The following MYO7B variants were observed in gnomAD, a reference collection of about 807,000 sequenced individuals.
MYO7B encodes the protein myosin VIIB.
Under a neutral mutation model 259.7 loss-of-function variants are expected in MYO7B, and 212 were observed. That is an observed-to-expected ratio of 0.82 (90% CI 0.73 to 0.91). The LOEUF (loss-of-function observed/expected upper bound fraction) is 0.91. Among genes scored for constraint, MYO7B ranks in the 40% least tolerant of loss-of-function variants. MYO7B has a pLI of 0.00. For missense variants in MYO7B, 2,732 were observed against 2,813.5 expected (o/e 0.97, Z 0.66); for synonymous variants, 1,197 against 1,166.4 (o/e 1.03, Z -0.54).
chr2:127,577,693 C>A lies in MYO7B; in HGVS notation c.850-440C>A, dbSNP rs1426214996. On this transcript the variant is annotated intron_variant, in intron 8 of 47. Transcript: ENST00000409816. This position sits in a 1 kb window ranked among gnomAD's most constrained non-coding sequence, Gnocchi z 5.2. ...TTTCTCCACCTCTCGATAGGGCTGG[C>A]CCCGGCCCCTGTGGTCTGGGCACCT... is the stretch of plus-strand genomic sequence containing the variant. Among the ~76,000 whole-genome samples, 1 of 152,228 alleles carries A rather than the reference C, an allele frequency of 6.6e-6. No individual in the cohort carries two copies. The highest frequency in any genetic ancestry group is 1.5e-5 in the Non-Finnish European group (1 of 68,024).
intron 6 of MYO7B, among the ~76,000 whole-genome samples, chr2:127,571,083 C>T (rs1678584104): frequency 6.6e-6 from 1 of 152,148 alleles, no homozygotes; most frequent in Non-Finnish European, 1.5e-5. Context: ...TTGGTCTTTC[C>T]CTTGGATAAA....
chr2:127,575,702 G>A (rs935629166), intron 7 of MYO7B, among the ~76,000 whole-genome samples: 1 of 152,100 alleles, frequency 6.6e-6, no homozygotes, highest in African/African-American at 2.4e-5. Context: ...GGATGGAAAG[G>A]AGCTCTCATT....
intron 30 of MYO7B, among the ~76,000 whole-genome samples, chr2:127,624,665 T>G (rs200501211): frequency 6.6e-6 from 1 of 152,226 alleles, no homozygotes; most frequent in East Asian, 1.9e-4. Flanking sequence ...CCCCATCTTC[T>G]TGGCATTGTG....
At chr2:127,626,939 C>T (rs961454345) in intron 31 of MYO7B, 36 bp from the exon 32 acceptor site, 2 of 1,555,836 alleles carry the variant, frequency 1.3e-6, no homozygotes, top group East Asian at 4.6e-5. Context: ...CTAGGGAAGG[C>T]AGGTGACGGA....
Position 127,632,282 on chromosome 2 carries a change from G to T in MYO7B, c.5286G>T (p.Leu1762=). 6.2e-7 allele frequency: 1 copy of T among 1,611,830 alleles called. No individual in the cohort carries two copies. Among genetic ancestry groups the T allele is most frequent in the Non-Finnish European group, 8.5e-7 (1 of 1,179,552 alleles). The part of the protein sequence containing the change: ...SEERGWQLLW[L]CTGLFPPSKG... ...AGCGGGGCTGGCAGCTGCTGTGGCTGTGCACGGGCCTCTTCCCGCCCAGCA... is the reference window on the plus strand; with the variant it reads ...AGCGGGGCTGGCAGCTGCTGTGGCTTTGCACGGGCCTCTTCCCGCCCAGCA... The change falls in exon 39 of 48, where the codon CTG becomes CTT. Residue 1762 remains leucine, a synonymous_variant. Coordinates refer to ENST00000409816, the MANE Select transcript of MYO7B (RefSeq NM_001393586.1).
chr2:127,573,778 T>A, intron 6 of MYO7B, 142 bp from the exon 7 acceptor site: 1 of 1,113,678 alleles, frequency 9.0e-7, no homozygotes, highest in Non-Finnish European at 1.2e-6. Flanking sequence ...GCGCTTGGCT[T>A]CCGTCACTGT....
Position 127,620,346 on chromosome 2 carries a change from G to A in MYO7B, c.3405G>A (p.Glu1135=), listed in dbSNP as rs1295403831. The change falls in exon 27 of 48, where the codon GAG becomes GAA. Residue 1135 remains glutamate (E), a synonymous_variant. Transcript: ENST00000409816. ...YAILRPSLRD[E]IYCQICKQLS... ...AATGGTCTGTGTCTTTCAGGGATGA[G>A]ATTTACTGCCAGATCTGCAAGCAGC... The A allele has an allele frequency of 4.3e-6, 7 of 1,611,712 alleles. No individual in the cohort carries two copies. The East Asian group carries it at 6.7e-5, about 15-fold the overall frequency.
chr2:127,605,843 G>C lies in MYO7B; in HGVS notation c.2340-1G>C. The stretch of plus-strand genomic sequence containing the variant: ...GTGTGTGGCTTGCATTGCCCTTCTA[G>C]GAAGGAGTTCCTGAGGCAGAGGCGG... On this transcript the variant is annotated splice_acceptor_variant, in intron 19 of 47. Coordinates refer to ENST00000409816, the MANE Select transcript of MYO7B (RefSeq NM_001393586.1). LOFTEE classifies it high-confidence loss of function. 1.2e-6 allele frequency: 2 copies of C among 1,613,324 alleles called. No individual in the cohort carries two copies.
chr2:127,570,783 C>T (rs143532325), intron 6 of MYO7B, among the ~76,000 whole-genome samples: 2,626 of 151,854 alleles, frequency 0.017, 95 homozygotes, highest in African/African-American at 0.06. Flanking sequence ...CTGGCAACTA[C>T]TGATTTGTCT....
At position 127,576,587 on chromosome 2, in the gene MYO7B, C is replaced by G; in HGVS notation, c.736-8C>G. On this transcript the variant is annotated splice_polypyrimidine_tract_variant and splice_region_variant and intron_variant, in intron 7 of 47. Coordinates refer to ENST00000409816, the MANE Select transcript of MYO7B (RefSeq NM_001393586.1). This position sits in a 1 kb window ranked among gnomAD's most constrained non-coding sequence, Gnocchi z 4.9. ...GAATCTGTCTGGAATGCCCTCCCTC[C>G]CTCCCAGGCTCCCGAGGAGCGGAAC... is the stretch of plus-strand genomic sequence containing the variant. 1.9e-6 allele frequency: 3 copies of G among 1,552,100 alleles called. No individual in the cohort carries two copies. Among genetic ancestry groups the G allele is most frequent in the Non-Finnish European group, 2.7e-6 (3 of 1,130,078 alleles).
At chr2:127,632,741 G>A (rs986936875) in intron 39 of MYO7B, among the ~76,000 whole-genome samples, 3 of 151,746 alleles carry the variant, frequency 2.0e-5, no homozygotes, top group Non-Finnish European at 2.9e-5. Flanking sequence ...CCAAGTCCAT[G>A]CGGCCTCCCT....
rs1558802696 is a variant in MYO7B, at chr2:127,565,376, CA to C, written c.278del (p.Lys93ArgfsTer53). The part of the protein sequence containing the change: ...HNLLIRYQQH[K>X]IYTYTGSILV... ...ACCTCCTGATCCGCTACCAGCAGCA[CA>C]AGATCTATGTGAGTCTCCCCAGCCC... On this transcript the variant is annotated frameshift_variant, in exon 4 of 48. Transcript: ENST00000409816. LOFTEE classifies it high-confidence loss of function. 1.9e-6 allele frequency: 3 copies of C among 1,614,044 alleles called. No homozygotes were observed. The highest frequency in any genetic ancestry group is 2.5e-6 in the Non-Finnish European group (3 of 1,179,892).
At chr2:127,594,026 C>A (rs987959688) in intron 18 of MYO7B, among the ~76,000 whole-genome samples, 4 of 152,126 alleles carry the variant, frequency 2.6e-5, no homozygotes, top group Non-Finnish European at 4.4e-5. Flanking sequence ...TCCTGCCATG[C>A]AGGCTTCCCT....
chr2:127,617,920 A>T (rs1385093197), intron 26 of MYO7B, among the ~76,000 whole-genome samples: 1 of 144,520 alleles, frequency 6.9e-6, no homozygotes, highest in Non-Finnish European at 1.5e-5. Flanking sequence ...TATTGTCCCT[A>T]TCTGTTCCTG....
intron 26 of MYO7B, 52 bp downstream of exon 26, chr2:127,612,655 T>TCAGAGCATCAG (rs1157050635): frequency 6.3e-7 from 1 of 1,591,056 alleles, no homozygotes. Flanking sequence ...ATGCCCTCAC[T>TCAGAGCATCAG]GGCTCTCAGC....
Position 127,607,448 on chromosome 2 carries a change from G to A in MYO7B, c.2643+24G>A, listed in dbSNP as rs1252476058. Reference sequence around the variant, plus strand: ...ATGTAGGTGGTCACCTGGCCTCTTGGGCAGGTGGGGCTGGCTGGGGCCCCA... The same window carrying A: ...ATGTAGGTGGTCACCTGGCCTCTTGAGCAGGTGGGGCTGGCTGGGGCCCCA... On this transcript the variant is annotated intron_variant, in intron 21 of 47. Coordinates refer to ENST00000409816, the MANE Select transcript of MYO7B (RefSeq NM_001393586.1). This position sits in a 1 kb window ranked among gnomAD's most constrained non-coding sequence, Gnocchi z 4.4. The A allele has an allele frequency of 6.5e-7, 1 of 1,547,974 alleles. No homozygotes were observed. The highest frequency in any genetic ancestry group is 2.4e-5 in the East Asian group (1 of 40,916).
In MYO7B at chr2:127,546,762, G is replaced by GTCCATCCATCCA. The variant is rs3034060; in HGVS notation, c.-24+10962_-24+10973dup. Among the ~76,000 whole-genome samples the GTCCATCCATCCA allele has an allele frequency of 5.7e-4, 85 of 149,432 alleles. No homozygotes were observed. Among genetic ancestry groups the GTCCATCCATCCA allele is most frequent in the Middle Eastern group, 3.4e-3 (1 of 290 alleles). ...ATGCCTCACCTGCTTTCCTGGGTAG[G>GTCCATCCATCCA]TCCATCCATCCATCCATCCATCCAT... On this transcript the variant is annotated intron_variant, in intron 1 of 47. Coordinates refer to ENST00000409816, the MANE Select transcript of MYO7B (RefSeq NM_001393586.1). This position sits in a 1 kb window ranked among gnomAD's most constrained non-coding sequence, Gnocchi z 4.2.
chr2:127,601,486 G>T (rs890959604), intron 19 of MYO7B, among the ~76,000 whole-genome samples: 2 of 151,900 alleles, frequency 1.3e-5, no homozygotes, highest in Non-Finnish European at 2.9e-5. Context: ...TTGCAGCTCT[G>T]TTGTTTGGTG....
At chr2:127,618,200 C>T (rs1346138885) in intron 26 of MYO7B, among the ~76,000 whole-genome samples, 1 of 152,172 alleles carries the variant, frequency 6.6e-6, no homozygotes, top group Non-Finnish European at 1.5e-5. Context: ...TACTTGAGAT[C>T]GTCATTACGG....
Sources: allele counts gnomAD v4.1 joint callset (sites outside exome capture counted in the v4.1 genomes callset), GRCh38; gene constraint gnomAD v4.1.1; non-coding constraint Gnocchi (gnomAD v3.1); transcripts MANE v1.5; gene names NCBI Gene and HGNC (gene_info 2026-07-23, HGNC 2026-07-21).